The following USP48 variants were observed in gnomAD, a reference collection of about 807,000 sequenced individuals.
USP48 encodes ubiquitin carboxyl-terminal hydrolase 48.
In USP48, 43 loss-of-function variants were observed where a neutral mutation model predicts 150.7. That is an observed-to-expected ratio of 0.29 (90% CI 0.22 to 0.37). The LOEUF (loss-of-function observed/expected upper bound fraction) is 0.37, where lower values mean the gene tolerates loss of function less well. Among genes scored for constraint, USP48 ranks in the 10% least tolerant of loss-of-function variants. USP48 has a pLI of 1.00. For synonymous variants in USP48, 396 were observed against 425.9 expected (o/e 0.93, Z 0.86); for missense variants, 813 against 1,249.6 (o/e 0.65, Z 5.27).
intron 1 of USP48, among the ~76,000 whole-genome samples, chr1:21,775,100 T>A (rs377316705): frequency 6.6e-6 from 1 of 152,154 alleles, no homozygotes; most frequent in Non-Finnish European, 1.5e-5. Flanking sequence ...CTCCCCTTTG[T>A]TCTTTTTCCT....
At chr1:21,778,220 C>T (rs34646634) in intron 1 of USP48, among the ~76,000 whole-genome samples, 7,713 of 151,154 alleles carry the variant, frequency 0.051, 241 homozygotes, top group Middle Eastern at 0.058. Context: ...TTTAAAAGCA[C>T]GCAAAGGATT....
chr1:21,686,419 TTTTC>T (rs1215727054), intron 25 of USP48: 2 of 152,258 alleles, frequency 1.3e-5, no homozygotes, highest in African/African-American at 4.8e-5. Flanking sequence ...ATCAAATGCT[TTTTC>T]TTTGTCTATT....
chr1:21,752,938 AGGATGTTT>A, intron 4 of USP48, 46 bp downstream of exon 4: 1 of 1,523,590 alleles, frequency 6.6e-7, no homozygotes, highest in Non-Finnish European at 8.7e-7. Flanking sequence ...AAACATGCTT[AGGATGTTT>A]GGGTACCTCT....
intron 12 of USP48, among the ~76,000 whole-genome samples, chr1:21,722,229 T>C (rs994703268): frequency 3.9e-4 from 59 of 152,058 alleles, no homozygotes; most frequent in African/African-American, 1.4e-3. Context: ...GCTCTTCCTA[T>C]TGCATGGTTT....
At chr1:21,726,697 T>C (rs2097738043) in intron 11 of USP48, 1 of 152,190 alleles carries the variant, frequency 6.6e-6, no homozygotes, top group Non-Finnish European at 1.5e-5. Flanking sequence ...GTGGCAAAGT[T>C]TTTACACTAC....
chr1:21,715,429 C>T lies in USP48; in HGVS notation c.1923G>A (p.Glu641=). Residue 641 remains glutamate, a synonymous_variant, in exon 15 of 27, where the codon GAG becomes GAA. Coordinates refer to ENST00000308271, the MANE Select transcript of USP48 (RefSeq NM_032236.8). ...TATCTTCATTAAAATTTAATTCCTC[C>T]TCTTCTTTTCTTTCTTCCTTTGATT... is the stretch of plus-strand genomic sequence containing the variant. ...KDESKEERKE[E]EELNFNEDIL... is the part of the protein sequence containing the mutation. 1 of 1,588,016 alleles carries T rather than the reference C, an allele frequency of 6.3e-7. No individual in the cohort carries two copies.
At chr1:21,683,427 C>G (rs1267693437) in intron 25 of USP48, among the ~76,000 whole-genome samples, 1 of 152,090 alleles carries the variant, frequency 6.6e-6, no homozygotes, top group East Asian at 1.9e-4. Flanking sequence ...ATCTGTCACC[C>G]AGGCTTGAGT....
intron 11 of USP48, chr1:21,728,155 C>CA (rs1226448300): frequency 2.0e-6 from 2 of 988,102 alleles, no homozygotes; most frequent in Non-Finnish European, 2.4e-6. Flanking sequence ...CTAATAGTAT[C>CA]AAAAAAACTG....
At chr1:21,758,784 AAT>A (rs2097843097) in intron 1 of USP48, among the ~76,000 whole-genome samples, 10 of 151,452 alleles carry the variant, frequency 6.6e-5, no homozygotes, top group Admixed American at 4.6e-4. Context: ...TGAATGAATG[AAT>A]GAATGAAAAG....
At chr1:21,713,972 T>C (rs333187) in intron 15 of USP48, among the ~76,000 whole-genome samples, 149,731 of 152,218 alleles carry the variant, frequency 0.98, 73,678 homozygotes, top group Non-Finnish European at 1. Context: ...TGCCACTCAC[T>C]TCGCAAGCTA....
intron 8 of USP48, among the ~76,000 whole-genome samples, chr1:21,738,204 C>T (rs1177928790): frequency 6.6e-6 from 1 of 151,720 alleles, no homozygotes; most frequent in African/African-American, 2.4e-5. Context: ...GTTACAGGCA[C>T]ACACCACCAC....
rs2097752387 is a variant in USP48, at chr1:21,729,961, A to G, written c.1172-129T>C. 4 of 1,118,636 alleles carry G rather than the reference A, an allele frequency of 3.6e-6. No homozygotes were observed. The East Asian group carries it at 9.9e-5, about 28-fold the overall frequency. 69.3% of individuals were successfully genotyped at this position (1,118,636 alleles called of 1,614,324 possible). A position where few individuals can be genotyped will look rare whatever the true frequency, so the allele number is the denominator to read the frequency against. On this transcript the variant is annotated intron_variant, in intron 9 of 26. Transcript: ENST00000308271. The stretch of plus-strand genomic sequence containing the variant: ...CATTAACACCAATCTAAAACATTCA[A>G]AGGCCATAGAAATTTGGCAGGCTCT...
At chr1:21,714,364 C>T (rs1056334631) in intron 15 of USP48, among the ~76,000 whole-genome samples, 2 of 152,106 alleles carry the variant, frequency 1.3e-5, no homozygotes, top group Non-Finnish European at 2.9e-5. Flanking sequence ...TAGCCTCAAA[C>T]TCCTGGGTCA....
chr1:21,703,154 T>C (rs2097662158), intron 21 of USP48, among the ~76,000 whole-genome samples: 1 of 152,236 alleles, frequency 6.6e-6, no homozygotes, highest in African/African-American at 2.4e-5. Context: ...CAATCATTTC[T>C]GTGTGAAATC....
intron 20 of USP48, among the ~76,000 whole-genome samples, chr1:21,703,848 CA>C (rs376568925): frequency 6.6e-6 from 1 of 152,176 alleles, no homozygotes; most frequent in Admixed American, 6.5e-5. Context: ...GCTCCTGACT[CA>C]GCCTCTCAGC....
intron 11 of USP48, among the ~76,000 whole-genome samples, chr1:21,726,207 A>G (rs1010907306): frequency 1.3e-5 from 2 of 152,110 alleles, no homozygotes; most frequent in Non-Finnish European, 2.9e-5. Context: ...GGAAAGCTCA[A>G]AATGCACAAA....
intron 1 of USP48, among the ~76,000 whole-genome samples, chr1:21,775,156 A>G (rs1192242328): frequency 1.3e-5 from 2 of 150,456 alleles, no homozygotes; most frequent in African/African-American, 4.9e-5. Flanking sequence ...GTGCGGTGGC[A>G]TGGTCTTGGC....
At chr1:21,781,535 A>G (rs982513909) in intron 1 of USP48, among the ~76,000 whole-genome samples, 3 of 152,254 alleles carry the variant, frequency 2.0e-5, no homozygotes, top group African/African-American at 7.2e-5. Flanking sequence ...AGAGCTCGAG[A>G]CCAGCCTGGC....
At chr1:21,738,816 A>G (rs2097774590) in intron 8 of USP48, among the ~76,000 whole-genome samples, 2 of 152,162 alleles carry the variant, frequency 1.3e-5, no homozygotes, top group South Asian at 2.1e-4. Flanking sequence ...ACACGGTTTC[A>G]GGCATGAAGG....
Sources: allele counts gnomAD v4.1 joint callset (sites outside exome capture counted in the v4.1 genomes callset), GRCh38; gene constraint gnomAD v4.1.1; transcripts MANE v1.5; gene names NCBI Gene and HGNC (gene_info 2026-07-23, HGNC 2026-07-21).